TMEM135: variants seen among roughly 807,000 people sequenced by gnomAD.
TMEM135 encodes the protein peroxisomal membrane protein 52.
TMEM135 carries 30 observed loss-of-function variants against 60.3 expected under a neutral mutation model. The ratio of observed to expected loss-of-function variants is 0.50; its 90% CI spans 0.37 to 0.68. TMEM135 has a LOEUF of 0.68. Among genes scored for constraint, TMEM135 ranks in the 30% least tolerant of loss-of-function variants. The pLI, the probability that TMEM135 is intolerant of heterozygous loss-of-function variation, is 0.00. For missense variants in TMEM135, 468 were observed against 548.8 expected (o/e 0.85, Z 1.47); for synonymous variants, 190 against 186.7 (o/e 1.02, Z -0.14).
intron 4 of TMEM135, among the ~76,000 whole-genome samples, chr11:87,115,206 G>A (rs187472821): frequency 6.6e-6 from 1 of 151,944 alleles, no homozygotes; most frequent in Non-Finnish European, 1.5e-5. Context: ...ACATCTCTCT[G>A]CTATCCATTA....
chr11:87,065,000 G>T (rs1379110629), intron 1 of TMEM135, among the ~76,000 whole-genome samples: 3 of 151,960 alleles, frequency 2.0e-5, no homozygotes, highest in Non-Finnish European at 4.4e-5. Context: ...ATTCATCAAG[G>T]TTGTTTCATA....
chr11:87,141,474 T>C (rs1447437198), intron 4 of TMEM135, among the ~76,000 whole-genome samples: 1 of 152,202 alleles, frequency 6.6e-6, no homozygotes, highest in Non-Finnish European at 1.5e-5. Flanking sequence ...ATCACTTTCT[T>C]ATACATTTCT....
intron 5 of TMEM135, among the ~76,000 whole-genome samples, chr11:87,193,694 T>A (rs976698704): frequency 2.0e-5 from 3 of 150,754 alleles, no homozygotes; most frequent in Admixed American, 6.6e-5. Context: ...TTAGGTTTTT[T>A]AAATTTTTTC....
intron 5 of TMEM135, among the ~76,000 whole-genome samples, chr11:87,161,522 A>G (rs1311581563): frequency 3.3e-5 from 5 of 152,154 alleles, no homozygotes; most frequent in Non-Finnish European, 4.4e-5. Context: ...CTTAATCTCA[A>G]TTTTTGAAAG....
At chr11:87,156,466 A>G (rs867716979) in intron 4 of TMEM135, among the ~76,000 whole-genome samples, 1 of 152,186 alleles carries the variant, frequency 6.6e-6, no homozygotes. Flanking sequence ...TGTCATCTTA[A>G]TAATAAGTAT....
chr11:87,233,253 T>C (rs1357285324), intron 5 of TMEM135, among the ~76,000 whole-genome samples: 2 of 152,018 alleles, frequency 1.3e-5, no homozygotes, highest in South Asian at 4.1e-4. Flanking sequence ...AGCAAGATGA[T>C]AGATTTAAAC....
At chr11:87,135,488 T>C (rs1264658514) in intron 4 of TMEM135, among the ~76,000 whole-genome samples, 1 of 79,090 alleles carries the variant, frequency 1.3e-5, no homozygotes, top group East Asian at 3.3e-4. Flanking sequence ...TATTGAAGAG[T>C]TCATCTTTTT....
At chr11:87,177,112 T>C (rs1303620371) in intron 5 of TMEM135, among the ~76,000 whole-genome samples, 1 of 152,192 alleles carries the variant, frequency 6.6e-6, no homozygotes, top group Non-Finnish European at 1.5e-5. Flanking sequence ...CTGAGACTAA[T>C]GAGAGCACAT....
At chr11:87,160,246 A>G (rs1317410639) in intron 5 of TMEM135, among the ~76,000 whole-genome samples, 1 of 152,190 alleles carries the variant, frequency 6.6e-6, no homozygotes, top group Non-Finnish European at 1.5e-5. Context: ...TTCTGCTTAG[A>G]TATTTGAAGA....
intron 1 of TMEM135, among the ~76,000 whole-genome samples, chr11:87,055,147 A>C (rs980023924): frequency 2.0e-5 from 3 of 152,168 alleles, no homozygotes. Context: ...TCTAGTGTAG[A>C]GGGTTTGGGA....
At chr11:87,045,875 CT>C (rs1949791389) in intron 1 of TMEM135, among the ~76,000 whole-genome samples, 1 of 152,070 alleles carries the variant, frequency 6.6e-6, no homozygotes, top group African/African-American at 2.4e-5. Context: ...TATTTGTCCC[CT>C]ATTTGTTTAC....
chr11:87,198,697 C>A (rs186790872), intron 5 of TMEM135, among the ~76,000 whole-genome samples: 1 of 151,846 alleles, frequency 6.6e-6, no homozygotes, highest in East Asian at 1.9e-4. Flanking sequence ...TTCTTCCCTC[C>A]CTCTCTTTTC....
intron 4 of TMEM135, among the ~76,000 whole-genome samples, chr11:87,128,302 C>T (rs1169447236): frequency 6.6e-6 from 1 of 152,118 alleles, no homozygotes; most frequent in Non-Finnish European, 1.5e-5. Flanking sequence ...TACATGTTTA[C>T]GTATTTGCTT....
intron 5 of TMEM135, among the ~76,000 whole-genome samples, chr11:87,207,497 T>C (rs1398424875): frequency 6.6e-6 from 1 of 152,284 alleles, no homozygotes. Flanking sequence ...TTAAGCAACA[T>C]TGTTTACTTA....
At chr11:87,298,165 G>A (rs1942380331) in intron 7 of TMEM135, among the ~76,000 whole-genome samples, 1 of 152,122 alleles carries the variant, frequency 6.6e-6, no homozygotes, top group African/African-American at 2.4e-5. Flanking sequence ...AGTCAAAAGT[G>A]CAAAATTTAA....
intron 5 of TMEM135, among the ~76,000 whole-genome samples, chr11:87,171,791 G>T (rs1296427310): frequency 1.3e-5 from 2 of 152,108 alleles, no homozygotes; most frequent in African/African-American, 2.4e-5. Flanking sequence ...TCCACGGGGG[G>T]CTTGGTTTTG....
Position 87,260,598 on chromosome 11 carries a change from G to T in TMEM135, c.509+23914G>T, listed in dbSNP as rs549695185. Among the ~76,000 whole-genome samples the T allele has an allele frequency of 3.3e-5, 5 of 152,116 alleles. No individual in the cohort carries two copies. The East Asian group carries it at 9.6e-4, about 29-fold the overall frequency. ...TACATTATAATATTTAACAAAAACT[G>T]TGTGAGTAAATGCGAGTTAGACTGA... On this transcript the variant is annotated intron_variant, in intron 6 of 14. Coordinates refer to ENST00000305494, the MANE Select transcript of TMEM135 (RefSeq NM_022918.4).
At chr11:87,076,156 C>A (rs2135148167) in intron 3 of TMEM135, among the ~76,000 whole-genome samples, 1 of 152,286 alleles carries the variant, frequency 6.6e-6, no homozygotes, top group South Asian at 2.1e-4. Context: ...CTGGGCAGGT[C>A]CAAAGATATT....
chr11:87,120,104 T>C (rs914817046), intron 4 of TMEM135, among the ~76,000 whole-genome samples: 1 of 87,300 alleles, frequency 1.1e-5, no homozygotes, highest in African/African-American at 3.9e-5. Context: ...AGTCTGTTTT[T>C]TTCTTCTTCT....
Sources: gnomAD v4.1 joint callset for allele counts (sites outside exome capture counted in the v4.1 genomes callset) on GRCh38, gnomAD v4.1.1 for gene constraint, MANE v1.5 for transcripts, NCBI Gene and HGNC (gene_info 2026-07-23, HGNC 2026-07-21) for gene names.